The following CACNA1A variants were observed in gnomAD, a reference collection of about 807,000 sequenced individuals.
CACNA1A encodes calcium voltage-gated channel subunit alpha1 A.
A neutral mutation model predicts 262.4 loss-of-function variants in CACNA1A; 57 were observed. The observed-to-expected ratio is 0.22, with a 90% CI of 0.18 to 0.27. The LOEUF (loss-of-function observed/expected upper bound fraction) is 0.27, where lower values mean the gene tolerates loss of function less well. Among genes scored for constraint, CACNA1A ranks in the 10% least tolerant of loss-of-function variants. The probability of loss-of-function intolerance (pLI) is 1.00; values close to 1 mark genes in which losing one functional copy is unlikely to be tolerated. For synonymous variants in CACNA1A, 1,431 were observed against 1,419.3 expected (o/e 1.01, Z -0.18); for missense variants, 2,526 against 3,562.8 (o/e 0.71, Z 7.41).
At chr19:13,280,553 C>G (rs1017034016) in intron 22 of CACNA1A, among the ~76,000 whole-genome samples, 3 of 151,960 alleles carry the variant, frequency 2.0e-5, no homozygotes, top group African/African-American at 7.3e-5. Flanking sequence ...GGCATGGGGA[C>G]AGTATTCACA....
intron 34 of CACNA1A, among the ~76,000 whole-genome samples, chr19:13,233,729 G>A (rs528596127): frequency 2.0e-5 from 3 of 152,186 alleles, no homozygotes; most frequent in African/African-American, 2.4e-5. Context: ...GGGCTAAAGC[G>A]ATCCTCCCAC....
intron 31 of CACNA1A, chr19:13,243,795 G>A (rs10404690): frequency 0.21 from 31,562 of 152,202 alleles, 3,735 homozygotes; most frequent in Non-Finnish European, 0.26. Flanking sequence ...CTGGCCTCAG[G>A]TGATCCGCCG....
intron 34 of CACNA1A, among the ~76,000 whole-genome samples, chr19:13,232,986 T>G (rs948127879): frequency 6.6e-6 from 1 of 150,810 alleles, no homozygotes; most frequent in African/African-American, 2.4e-5. Flanking sequence ...GAGGCAGAAG[T>G]TGCGCCGAGC....
At chr19:13,281,528 TG>T (rs1031633646) in intron 22 of CACNA1A, among the ~76,000 whole-genome samples, 5 of 151,576 alleles carry the variant, frequency 3.3e-5, no homozygotes, top group Admixed American at 2.0e-4. Flanking sequence ...TCCTCTAGAG[TG>T]GGGGCTGTCC....
At chr19:13,399,692 A>G (rs2059866719) in intron 3 of CACNA1A, among the ~76,000 whole-genome samples, 1 of 152,082 alleles carries the variant, frequency 6.6e-6, no homozygotes, top group Non-Finnish European at 1.5e-5. Flanking sequence ...CATGCCAAAA[A>G]CAACCACCAA....
chr19:13,220,686 T>C (rs978358771), intron 38 of CACNA1A, among the ~76,000 whole-genome samples: 2 of 152,114 alleles, frequency 1.3e-5, no homozygotes, highest in Non-Finnish European at 2.9e-5. Flanking sequence ...ATGTCTGTGG[T>C]CATCATATAG....
intron 1 of CACNA1A, among the ~76,000 whole-genome samples, chr19:13,498,388 A>C (rs928328040): frequency 6.6e-6 from 1 of 152,162 alleles, no homozygotes; most frequent in African/African-American, 2.4e-5. Flanking sequence ...TGAGAACAGA[A>C]CTTAACAGCA....
Position 13,257,487 on chromosome 19 carries a change from C to G in CACNA1A, c.4453G>C (p.Glu1485Gln). Reference protein sequence around the residue: ...NQGPSPGYRMEMSIFYVVYFV... With the variant: ...NQGPSPGYRMQMSIFYVVYFV... ...TAGACGACGTAGAAAATGGACATCT[C>G]CATGCGGTACCCGGGGCTGGGGCCC... Residue 1485 changes from glutamate to glutamine, a missense_variant, in exon 28 of 47, where the codon GAG becomes CAG. This residue lies in a region of CACNA1A where 137 missense variants were observed against 377.7 expected (regional missense o/e 0.36). Transcript: ENST00000360228. 6.2e-7 allele frequency: 1 copy of G among 1,610,662 alleles called. No homozygotes were observed. The highest frequency in any genetic ancestry group is 8.5e-7 in the Non-Finnish European group (1 of 1,178,292).
chr19:13,382,730 T>C (rs953632757), intron 3 of CACNA1A, among the ~76,000 whole-genome samples: 1 of 152,106 alleles, frequency 6.6e-6, no homozygotes, highest in Admixed American at 6.5e-5. Flanking sequence ...AAGAGCAGGC[T>C]GGTGTAATGA....
At chr19:13,383,124 G>A (rs2059550803) in intron 3 of CACNA1A, among the ~76,000 whole-genome samples, 1 of 152,214 alleles carries the variant, frequency 6.6e-6, no homozygotes. Flanking sequence ...TATTCAACAA[G>A]GATTTAGTGA....
chr19:13,471,672 G>A (rs542605503), intron 1 of CACNA1A, among the ~76,000 whole-genome samples: 17 of 152,244 alleles, frequency 1.1e-4, no homozygotes, highest in African/African-American at 2.4e-4. Flanking sequence ...AGCCAGACAC[G>A]AAAGGTCACA....
At chr19:13,389,992 T>G (rs2059684521) in intron 3 of CACNA1A, among the ~76,000 whole-genome samples, 1 of 151,606 alleles carries the variant, frequency 6.6e-6, no homozygotes, top group South Asian at 2.1e-4. Context: ...TTTTTTTATT[T>G]TTAGTACGGA....
chr19:13,263,115 T>C (rs2056776478), intron 24 of CACNA1A: 1 of 408,450 alleles, frequency 2.4e-6, no homozygotes, highest in Non-Finnish European at 4.6e-6. Flanking sequence ...TGGGTGTCCC[T>C]GAGACCCAGC....
intron 6 of CACNA1A, among the ~76,000 whole-genome samples, chr19:13,350,982 C>T (rs1372409190): frequency 6.6e-6 from 1 of 152,126 alleles, no homozygotes; most frequent in Non-Finnish European, 1.5e-5. Flanking sequence ...GCTTAGAAGA[C>T]AGAGCAAAAC....
chr19:13,250,311 C>A (rs910432418), intron 30 of CACNA1A, among the ~76,000 whole-genome samples: 3 of 152,016 alleles, frequency 2.0e-5, no homozygotes, highest in African/African-American at 7.2e-5. Context: ...CTGCCCTCCT[C>A]AAGCTCCCAA....
intron 30 of CACNA1A, chr19:13,245,568 G>T: frequency 2.7e-6 from 1 of 368,082 alleles, no homozygotes; most frequent in Non-Finnish European, 5.0e-6. Context: ...CAGCATTTTT[G>T]AGGGCTCCCG....
intron 21 of CACNA1A, among the ~76,000 whole-genome samples, chr19:13,284,797 A>G (rs2057364469): frequency 6.6e-6 from 1 of 152,176 alleles, no homozygotes; most frequent in African/African-American, 2.4e-5. Context: ...GGACAAATTT[A>G]TTTGTTTATT....
chr19:13,472,065 C>T lies in CACNA1A; in HGVS notation c.294-16853G>A, dbSNP rs549346093. ...GGAGCCTCAACCTTTGGGGCTCCAG[C>T]AATCCTCCTACCTCAGCCTCCCGGG... On this transcript the variant is annotated intron_variant, in intron 1 of 46. Transcript: ENST00000360228. 1.7e-3 allele frequency among the ~76,000 whole-genome samples: 257 copies of T among 152,234 alleles called. 2 individuals carry two copies. Among genetic ancestry groups the T allele is most frequent in the African/African-American group, 6.0e-3 (248 of 41,544 alleles).
intron 20 of CACNA1A, among the ~76,000 whole-genome samples, 171 bp downstream of exon 20, chr19:13,286,332 C>T (rs2057398497): frequency 6.6e-6 from 1 of 152,186 alleles, no homozygotes; most frequent in South Asian, 2.1e-4. Flanking sequence ...CAAATTATCT[C>T]ACTGAACCCT....
Sources: allele counts gnomAD v4.1 joint callset (sites outside exome capture counted in the v4.1 genomes callset), GRCh38; gene constraint gnomAD v4.1.1; regional missense constraint gnomAD v4.1.1; transcripts MANE v1.5; gene names NCBI Gene and HGNC (gene_info 2026-07-23, HGNC 2026-07-21).